DPH5: variants seen among roughly 807,000 people sequenced by gnomAD.
DPH5 encodes the protein diphthine methyl ester synthase.
Under a neutral mutation model 31.6 loss-of-function variants are expected in DPH5, and 31 were observed. The observed-to-expected ratio is 0.98, with a 90% CI of 0.74 to 1.32. DPH5 has a LOEUF of 1.32. Among genes scored for constraint, DPH5 ranks in the 40% most tolerant of loss-of-function variants. The pLI is 0.00. For missense variants in DPH5, 309 were observed against 335.7 expected, an observed-to-expected ratio of 0.92 and a Z score of 0.62; for synonymous variants, 120 against 115.0, an observed-to-expected ratio of 1.04 and a Z score of -0.28.
intron 2 of DPH5, among the ~76,000 whole-genome samples, chr1:101,024,214 G>A (rs570498281): frequency 6.6e-6 from 1 of 152,198 alleles, no homozygotes; most frequent in Admixed American, 6.5e-5. Flanking sequence ...CTTGTGACCA[G>A]CCTGGGCAAT....
intron 4 of DPH5, among the ~76,000 whole-genome samples, chr1:101,004,977 C>T (rs746184485): frequency 3.3e-5 from 5 of 152,094 alleles, no homozygotes; most frequent in Non-Finnish European, 7.4e-5. Flanking sequence ...AGTGCCAATT[C>T]CTGTAAATTC....
At chr1:101,021,449 T>C (rs1660435030) in intron 3 of DPH5, among the ~76,000 whole-genome samples, 192 bp downstream of exon 3, 1 of 152,220 alleles carries the variant, frequency 6.6e-6, no homozygotes, top group Admixed American at 6.5e-5. Context: ...GATGATATAT[T>C]TACCAACTAG....
At chr1:101,010,575 AGTCT>A (rs750842906) in intron 4 of DPH5, among the ~76,000 whole-genome samples, 32 of 152,370 alleles carry the variant, frequency 2.1e-4, no homozygotes, top group African/African-American at 3.1e-4. Flanking sequence ...ATAGCTGAAA[AGTCT>A]GTCTATTTCT....
intron 7 of DPH5, among the ~76,000 whole-genome samples, chr1:100,991,073 C>G (rs1018752618): frequency 3.3e-5 from 5 of 152,140 alleles, no homozygotes; most frequent in African/African-American, 1.2e-4. Context: ...CCTTGCCATC[C>G]AATTAGCTGT....
chr1:100,995,045 G>A (rs1232049157), intron 6 of DPH5, 65 bp downstream of exon 6: 5 of 1,154,234 alleles, frequency 4.3e-6, no homozygotes, highest in Non-Finnish European at 5.2e-6. Flanking sequence ...GGTCATTTAA[G>A]TAGAATGTAT....
At chr1:100,996,235 T>C (rs901074024) in intron 5 of DPH5, 1 of 152,224 alleles carries the variant, frequency 6.6e-6, no homozygotes, top group African/African-American at 2.4e-5. Context: ...TTCCTTTAAA[T>C]TACGTTTCTA....
chr1:101,006,899 C>G (rs915827290), intron 4 of DPH5, among the ~76,000 whole-genome samples: 4 of 152,178 alleles, frequency 2.6e-5, no homozygotes, highest in African/African-American at 9.7e-5. Flanking sequence ...GGAAATTATA[C>G]AACCTTTTCT....
chr1:101,022,238 C>T (rs541781097), intron 2 of DPH5, among the ~76,000 whole-genome samples: 49 of 152,154 alleles, frequency 3.2e-4, no homozygotes, highest in Non-Finnish European at 6.0e-4. Context: ...AAAAAGGCAG[C>T]ACCAATGAGA....
At chr1:101,017,152 C>T (rs531783302) in intron 3 of DPH5, among the ~76,000 whole-genome samples, 1 of 152,156 alleles carries the variant, frequency 6.6e-6, no homozygotes, top group African/African-American at 2.4e-5. Context: ...AAAAATGGCA[C>T]CAATAGGATT....
intron 4 of DPH5, among the ~76,000 whole-genome samples, chr1:101,009,378 T>A (rs544917612): frequency 2.0e-4 from 30 of 152,272 alleles, no homozygotes; most frequent in African/African-American, 7.2e-4. Flanking sequence ...AGACAAGTCT[T>A]TGGGGGTACA....
Position 100,989,623 on chromosome 1 carries a change from T to C in DPH5, c.*785A>G, listed in dbSNP as rs1429217385. 1 of 152,220 alleles carries C rather than the reference T, an allele frequency of 6.6e-6. No individual in the cohort carries two copies. Among genetic ancestry groups the C allele is most frequent in the East Asian group, 1.9e-4 (1 of 5,206 alleles). The allele number at this position is 152,220 out of a possible 1,614,324, so 9.4% of individuals were successfully genotyped here. Reference sequence around the variant, plus strand: ...TAAAAAGAAGAAAATTATAAACATATTTTGTGAACATTTACTAATCTTTTA... The same window carrying C: ...TAAAAAGAAGAAAATTATAAACATACTTTGTGAACATTTACTAATCTTTTA... On this transcript the variant is annotated 3_prime_UTR_variant, in exon 8 of 8. Transcript: ENST00000370109.
In DPH5 at chr1:101,025,111, C is replaced by A. The variant is rs114436659; in HGVS notation, c.135+198G>T. The A allele has an allele frequency of 2.3e-3, 1,442 of 633,516 alleles. 16 individuals are homozygous for A. Among genetic ancestry groups the A allele is most frequent in the African/African-American group, 0.02 (1,051 of 53,844 alleles). 39.2% of individuals were successfully genotyped at this position (633,516 alleles called of 1,614,324 possible). The stretch of plus-strand genomic sequence containing the variant: ...ACAAAATTAGACTTGTAAAATAGGA[C>A]AAAGCACCCTTTCATTTTCCAAGTC... On this transcript the variant is annotated intron_variant, in intron 2 of 7. Transcript: ENST00000370109.
intron 3 of DPH5, among the ~76,000 whole-genome samples, chr1:101,017,052 T>G (rs1330204491): frequency 6.6e-6 from 1 of 152,162 alleles, no homozygotes; most frequent in Non-Finnish European, 1.5e-5. Flanking sequence ...CAAATCATCA[T>G]TAACAGATGT....
At chr1:100,997,004 G>A (rs1054691507) in intron 5 of DPH5, among the ~76,000 whole-genome samples, 1 of 152,156 alleles carries the variant, frequency 6.6e-6, no homozygotes, top group African/African-American at 2.4e-5. Flanking sequence ...GTTCCTTCCT[G>A]CTTTTGTTAA....
chr1:100,999,677 A>G (rs966103291), intron 5 of DPH5, among the ~76,000 whole-genome samples: 3 of 151,862 alleles, frequency 2.0e-5, no homozygotes, highest in Non-Finnish European at 4.4e-5. Flanking sequence ...CATCTTTACT[A>G]AAAATACAAA....
At chr1:100,997,897 GCTGGCCTTAA>G (rs1658513420) in intron 5 of DPH5, among the ~76,000 whole-genome samples, 1 of 152,048 alleles carries the variant, frequency 6.6e-6, no homozygotes, top group South Asian at 2.1e-4. Context: ...TCTACCCACA[GCTGGCCTTAA>G]CTGGATCTAA....
At chr1:101,010,712 T>A (rs560681462) in intron 4 of DPH5, among the ~76,000 whole-genome samples, 1 of 152,142 alleles carries the variant, frequency 6.6e-6, no homozygotes, top group Non-Finnish European at 1.5e-5. Flanking sequence ...GTGGTTCTTA[T>A]CTCCCTTTTA....
chr1:101,006,090 A>AACTGT (rs1436374422), intron 4 of DPH5, among the ~76,000 whole-genome samples: 3 of 152,320 alleles, frequency 2.0e-5, no homozygotes, highest in Non-Finnish European at 2.9e-5. Context: ...AAGTGTTCTG[A>AACTGT]GGCCTCCCCA....
intron 5 of DPH5, 113 bp downstream of exon 5, chr1:101,001,354 A>G (rs1658851958): frequency 1.9e-6 from 2 of 1,050,836 alleles, no homozygotes; most frequent in African/African-American, 3.2e-5. Context: ...GAATGGCTAG[A>G]CTGTGTCTTT....
Sources: gnomAD v4.1 joint callset for allele counts (sites outside exome capture counted in the v4.1 genomes callset) on GRCh38, gnomAD v4.1.1 for gene constraint, MANE v1.5 for transcripts, NCBI Gene and HGNC (gene_info 2026-07-23, HGNC 2026-07-21) for gene names.